PLXNA4: variants seen among roughly 807,000 people sequenced by gnomAD.
PLXNA4 encodes the protein plexin A4.
A neutral mutation model predicts 191.8 loss-of-function variants in PLXNA4; 44 were observed. That is an observed-to-expected ratio of 0.23 (90% CI 0.18 to 0.29). The LOEUF (loss-of-function observed/expected upper bound fraction) is 0.29. Ranked by LOEUF, PLXNA4 falls within the 10% of genes least tolerant of loss-of-function variation. PLXNA4 has a pLI of 1.00. For synonymous variants in PLXNA4, 1,082 were observed against 1,009.5 expected, an observed-to-expected ratio of 1.07 and a Z score of -1.36; for missense variants, 1,800 against 2,488.8, an observed-to-expected ratio of 0.72 and a Z score of 5.89.
intron 1 of PLXNA4, among the ~76,000 whole-genome samples, chr7:132,544,821 A>C (rs1800224992): frequency 6.6e-6 from 1 of 152,198 alleles, no homozygotes; most frequent in African/African-American, 2.4e-5. Context: ...AAAATAGAAA[A>C]CTTTCACTTT....
At chr7:132,298,002 T>C (rs1801165494) in intron 4 of PLXNA4, 89 bp downstream of exon 4, 1 of 1,523,484 alleles carries the variant, frequency 6.6e-7, no homozygotes, top group Admixed American at 1.7e-5. Context: ...AAATCACCTC[T>C]CTGCAGCTGG....
intron 3 of PLXNA4, among the ~76,000 whole-genome samples, chr7:132,316,346 C>T (rs1801943672): frequency 6.6e-6 from 1 of 150,876 alleles, no homozygotes; most frequent in African/African-American, 2.5e-5. Flanking sequence ...TTTGGGAAAA[C>T]CTTGATGTTC....
intron 4 of PLXNA4, among the ~76,000 whole-genome samples, chr7:132,294,123 G>C (rs941483605): frequency 6.6e-6 from 1 of 152,220 alleles, no homozygotes. Flanking sequence ...TAAGTGCTAT[G>C]GATAAAAATA....
chr7:132,275,266 A>C (rs1457971261), intron 4 of PLXNA4, among the ~76,000 whole-genome samples: 1 of 152,146 alleles, frequency 6.6e-6, no homozygotes, highest in African/African-American at 2.4e-5. Context: ...AGTTGTAAAG[A>C]TAGTAAAGAG....
rs149427737 is a variant in PLXNA4 at position 132,526,567 on chromosome 7, G to T, written c.-86-17788C>A. 5.5e-3 allele frequency among the ~76,000 whole-genome samples: 844 copies of T among 152,298 alleles called. 14 individuals carry two copies. Among genetic ancestry groups the T allele is most frequent in the African/African-American group, 0.019 (803 of 41,562 alleles). The stretch of plus-strand genomic sequence containing the variant: ...AAATTGCTGATTTGACTTCTAAGGT[G>T]CCCTGCCTGAATGGTTCACTTCCTT... On this transcript the variant is annotated intron_variant, in intron 1 of 31. Transcript: ENST00000321063.
rs560662819 is a variant in PLXNA4 at position 132,407,392 on chromosome 7, G to A, written c.1371+81900C>T. Among the ~76,000 whole-genome samples the A allele has an allele frequency of 1.4e-4, 22 of 152,318 alleles. No individual in the cohort carries two copies. In the South Asian group the frequency reaches 4.1e-3, roughly 29 times the overall value. The stretch of plus-strand genomic sequence containing the variant: ...GTGAGAAGTTTCTAGTGTGAGAAGT[G>A]TGTTTTTGAGTCCATTGATCCGGCA... On this transcript the variant is annotated intron_variant, in intron 3 of 31. Transcript: ENST00000321063.
intron 2 of PLXNA4, among the ~76,000 whole-genome samples, chr7:132,636,856 C>T (rs892946912): frequency 6.6e-6 from 1 of 152,154 alleles, no homozygotes; most frequent in Non-Finnish European, 1.5e-5. Context: ...CAACCCTCGC[C>T]TTCGCTATTT....
intron 30 of PLXNA4, 82 bp from the exon 31 acceptor site, chr7:132,133,281 G>A: frequency 1.3e-6 from 2 of 1,553,500 alleles, no homozygotes; most frequent in Non-Finnish European, 1.7e-6. Context: ...CACCGTGTCT[G>A]GGGCCATGAG....
intron 10 of PLXNA4, among the ~76,000 whole-genome samples, chr7:132,207,686 T>C (rs1797671810): frequency 6.6e-6 from 1 of 152,214 alleles, no homozygotes; most frequent in Non-Finnish European, 1.5e-5. Context: ...TTGAGACCAA[T>C]TTATCACCCA....
chr7:132,588,834 G>T (rs1802556136), intron 2 of PLXNA4, among the ~76,000 whole-genome samples: 1 of 150,048 alleles, frequency 6.7e-6, no homozygotes, highest in Non-Finnish European at 1.5e-5. Context: ...AGGAAGGAGG[G>T]AAGGAAGGAA....
intron 3 of PLXNA4, among the ~76,000 whole-genome samples, chr7:132,311,202 G>GTGTGTGTGTGTGTGTGC (rs1554411105): frequency 6.6e-6 from 1 of 151,068 alleles, no homozygotes; most frequent in African/African-American, 2.4e-5. Flanking sequence ...GTGCGCGTGT[G>GTGTGTGTGTGTGTGTGC]GCCTAAAGGA....
chr7:132,509,466 T>C (rs1031566788), intron 1 of PLXNA4, among the ~76,000 whole-genome samples: 2 of 152,228 alleles, frequency 1.3e-5, no homozygotes, highest in Non-Finnish European at 2.9e-5. Flanking sequence ...GGGACCCTGA[T>C]TGGTAGACCT....
intron 3 of PLXNA4, among the ~76,000 whole-genome samples, chr7:132,432,241 A>G (rs2117200744): frequency 6.6e-6 from 1 of 152,286 alleles, no homozygotes; most frequent in East Asian, 1.9e-4. Context: ...AGAAGCCTTT[A>G]GTTAGTCCTC....
chr7:132,373,628 A>T (rs1028863964), intron 3 of PLXNA4, among the ~76,000 whole-genome samples: 7 of 152,200 alleles, frequency 4.6e-5, no homozygotes, highest in Non-Finnish European at 7.3e-5. Context: ...CTTTAAAACA[A>T]ATACACTTGA....
At chr7:132,417,078 C>T (rs1212245334) in intron 3 of PLXNA4, among the ~76,000 whole-genome samples, 1 of 152,156 alleles carries the variant, frequency 6.6e-6, no homozygotes, top group African/African-American at 2.4e-5. Context: ...ACTAGAAATT[C>T]ACACTCTCTT....
chr7:132,442,086 G>T (rs1795719451), intron 3 of PLXNA4, among the ~76,000 whole-genome samples: 1 of 152,214 alleles, frequency 6.6e-6, no homozygotes, highest in Admixed American at 6.5e-5. Flanking sequence ...CCCTATCTGG[G>T]AGGAGCCCCA....
At chr7:132,541,188 C>T (rs1338088974) in intron 1 of PLXNA4, among the ~76,000 whole-genome samples, 1 of 152,178 alleles carries the variant, frequency 6.6e-6, no homozygotes, top group African/African-American at 2.4e-5. Flanking sequence ...TTGGCCATTT[C>T]CCCTAACTTA....
At chr7:132,383,050 T>G (rs56220543) in intron 3 of PLXNA4, among the ~76,000 whole-genome samples, 12,614 of 152,230 alleles carry the variant, frequency 0.083, 1,004 homozygotes, top group Admixed American at 0.17. Context: ...GGGTGCATCC[T>G]TTGTAGGAAA....
chr7:132,365,360 T>TGTGTGCGCGC, intron 3 of PLXNA4, among the ~76,000 whole-genome samples: 16,130 of 127,706 alleles, frequency 0.13, 1,086 homozygotes, highest in African/African-American at 0.18. Flanking sequence ...TGTGTGTGTG[T>TGTGTGCGCGC]GCGTGCGCGC....
Sources: allele counts gnomAD v4.1 joint callset (sites outside exome capture counted in the v4.1 genomes callset), GRCh38; gene constraint gnomAD v4.1.1; transcripts MANE v1.5; gene names NCBI Gene and HGNC (gene_info 2026-07-23, HGNC 2026-07-21).